The following ATRN variants were observed in gnomAD, a reference collection of about 807,000 sequenced individuals.
The protein encoded by ATRN is attractin, also known as attractin-2.
Under a neutral mutation model 178.7 loss-of-function variants are expected in ATRN, and 54 were observed. The ratio of observed to expected loss-of-function variants is 0.30; its 90% CI spans 0.24 to 0.38. The LOEUF (loss-of-function observed/expected upper bound fraction) is 0.38. Among genes scored for constraint, ATRN ranks in the 10% least tolerant of loss-of-function variants. ATRN has a pLI of 1.00. For synonymous variants in ATRN, 636 were observed against 663.0 expected (o/e 0.96, Z 0.63); for missense variants, 1,443 against 1,815.1 (o/e 0.79, Z 3.73).
intron 1 of ATRN, among the ~76,000 whole-genome samples, chr20:3,525,591 C>G (rs998082261): frequency 6.6e-6 from 1 of 152,066 alleles, no homozygotes; most frequent in Non-Finnish European, 1.5e-5. Context: ...GGCAGAGACA[C>G]AACAAAAAAA....
At chr20:3,487,696 G>C (rs1041103081) in intron 1 of ATRN, among the ~76,000 whole-genome samples, 6 of 151,844 alleles carry the variant, frequency 4.0e-5, no homozygotes, top group African/African-American at 1.5e-4. Context: ...GATATCTTTG[G>C]GGGTATTCTG....
intron 22 of ATRN, among the ~76,000 whole-genome samples, chr20:3,600,216 C>T (rs1255362682): frequency 6.6e-6 from 1 of 152,132 alleles, no homozygotes; most frequent in Non-Finnish European, 1.5e-5. Context: ...ACAGATTCCT[C>T]AGCAATATCT....
At chr20:3,538,438 A>G (rs2085571381) in intron 2 of ATRN, among the ~76,000 whole-genome samples, 1 of 152,118 alleles carries the variant, frequency 6.6e-6, no homozygotes, top group Non-Finnish European at 1.5e-5. Context: ...GGGACCTCCC[A>G]TAAGGGTCTC....
intron 1 of ATRN, among the ~76,000 whole-genome samples, chr20:3,529,168 A>G (rs1237414004): frequency 6.6e-6 from 1 of 151,868 alleles, no homozygotes; most frequent in African/African-American, 2.4e-5. Context: ...ATGAGATAGA[A>G]TAGTGCATAC....
chr20:3,572,462 A>G (rs932806934), intron 11 of ATRN, among the ~76,000 whole-genome samples: 25 of 152,172 alleles, frequency 1.6e-4, no homozygotes, highest in Non-Finnish European at 2.5e-4. Flanking sequence ...TAAGACCTTG[A>G]AAAATAATTT....
At chr20:3,543,004 A>C (rs2085647256) in intron 3 of ATRN, among the ~76,000 whole-genome samples, 1 of 152,108 alleles carries the variant, frequency 6.6e-6, no homozygotes, top group South Asian at 2.1e-4. Flanking sequence ...TTCCTTCTGC[A>C]TTTCAAGGGA....
At chr20:3,530,970 A>G (rs537313361) in intron 1 of ATRN, among the ~76,000 whole-genome samples, 1 of 152,282 alleles carries the variant, frequency 6.6e-6, no homozygotes, top group Non-Finnish European at 1.5e-5. Context: ...CAAGGTCTTT[A>G]TTCTTCATAT....
intron 6 of ATRN, among the ~76,000 whole-genome samples, chr20:3,549,628 C>A (rs1186821241): frequency 6.6e-6 from 1 of 152,028 alleles, no homozygotes; most frequent in Non-Finnish European, 1.5e-5. Flanking sequence ...ATTATTTTAT[C>A]TTTTAATTTA....
At chr20:3,505,590 A>C (rs1159246908) in intron 1 of ATRN, among the ~76,000 whole-genome samples, 4 of 151,908 alleles carry the variant, frequency 2.6e-5, no homozygotes, top group Admixed American at 1.3e-4. Flanking sequence ...AGGCAAGAAG[A>C]GAAGAACAAA....
chr20:3,495,423 A>G (rs2084864833), intron 1 of ATRN, among the ~76,000 whole-genome samples: 3 of 152,218 alleles, frequency 2.0e-5, no homozygotes, highest in South Asian at 2.1e-4. Context: ...AGCTTTGTGG[A>G]TATTTTGATG....
chr20:3,576,707 A>G (rs111425637), intron 13 of ATRN, 152 bp from the exon 14 acceptor site: 874 of 449,878 alleles, frequency 1.9e-3, no homozygotes, highest in Non-Finnish European at 2.8e-3. Flanking sequence ...CTATCTATCT[A>G]TCTATCTATC....
chr20:3,634,236 G>C (rs888410337), intron 25 of ATRN, 75 bp from the exon 26 acceptor site: 2 of 1,404,290 alleles, frequency 1.4e-6, no homozygotes, highest in African/African-American at 2.8e-5. Context: ...TTCACTGCCT[G>C]GCCTGAGGTG....
At chr20:3,591,607 A>AC (rs2086443845) in intron 19 of ATRN, among the ~76,000 whole-genome samples, 2 of 152,158 alleles carry the variant, frequency 1.3e-5, no homozygotes, top group Admixed American at 1.3e-4. Flanking sequence ...CTCCCATTGA[A>AC]CAGGGCACAG....
chr20:3,489,914 G>A lies in ATRN; in HGVS notation c.410+18397G>A, dbSNP rs1403362097. On this transcript the variant is annotated intron_variant, in intron 1 of 28. Coordinates refer to ENST00000262919, the MANE Select transcript of ATRN (RefSeq NM_139321.3). ...GGTTTTTGGGGTTGTAAATGATCTC[G>A]TTCTTTTCATCTTCACTCTCACTCT... is the stretch of plus-strand genomic sequence containing the variant. 7 of 1,273,470 alleles carry A rather than the reference G, an allele frequency of 5.5e-6. No homozygotes were observed. In the East Asian group the frequency reaches 6.9e-5, roughly 13 times the overall value. 78.9% of individuals were successfully genotyped at this position (1,273,470 alleles called of 1,614,324 possible).
chr20:3,563,380 C>T lies in ATRN; in HGVS notation c.1786+17C>T. The stretch of plus-strand genomic sequence containing the variant: ...ATGACATTGGTAAGTTTCCCAAAAC[C>T]ATTTTCTCTTCAGGCATCTTTTTGC... On this transcript the variant is annotated intron_variant, in intron 10 of 28. Coordinates refer to ENST00000262919, the MANE Select transcript of ATRN (RefSeq NM_139321.3). 2 of 1,609,320 alleles carry T rather than the reference C, an allele frequency of 1.2e-6. No homozygotes were observed. Among genetic ancestry groups the T allele is most frequent in the Non-Finnish European group, 1.7e-6 (2 of 1,176,516 alleles).
At chr20:3,537,493 T>C (rs1007453700) in intron 2 of ATRN, among the ~76,000 whole-genome samples, 2 of 149,876 alleles carry the variant, frequency 1.3e-5, no homozygotes, top group African/African-American at 2.5e-5. Flanking sequence ...TTTTCTTGTT[T>C]TTTTTTTTAC....
chr20:3,471,526 C>A lies in ATRN; in HGVS notation c.410+9C>A. 1 of 1,382,660 alleles carries A rather than the reference C, an allele frequency of 7.2e-7. No individual in the cohort carries two copies. 85.6% of individuals were successfully genotyped at this position (1,382,660 alleles called of 1,614,324 possible). A position where few individuals can be genotyped will look rare whatever the true frequency, so the allele number is the denominator to read the frequency against. On this transcript the variant is annotated intron_variant, in intron 1 of 28. Coordinates refer to ENST00000262919, the MANE Select transcript of ATRN (RefSeq NM_139321.3). ...TGCGGGGGCCGCTTCAGGTGAGTGG[C>A]GGGTGGTGTCGGAGGGTCGGGTCCA... is the stretch of plus-strand genomic sequence containing the variant.
chr20:3,514,871 C>T (rs1370493733), intron 1 of ATRN, among the ~76,000 whole-genome samples: 5 of 152,072 alleles, frequency 3.3e-5, no homozygotes, highest in East Asian at 1.9e-4. Context: ...GTGGGAGGAT[C>T]GCTTGAGCCC....
chr20:3,623,722 T>G (rs2086914812), intron 24 of ATRN, among the ~76,000 whole-genome samples: 1 of 152,180 alleles, frequency 6.6e-6, no homozygotes, highest in Non-Finnish European at 1.5e-5. Flanking sequence ...TAGTAGCACG[T>G]ATATTATCGG....
Sources: gnomAD v4.1 joint callset for allele counts (sites outside exome capture counted in the v4.1 genomes callset) on GRCh38, gnomAD v4.1.1 for gene constraint, MANE v1.5 for transcripts, NCBI Gene and HGNC (gene_info 2026-07-23, HGNC 2026-07-21) for gene names.